ZNF143: variants seen among roughly 807,000 people sequenced by gnomAD.
The protein encoded by ZNF143 is zinc finger protein 143.
Under a neutral mutation model 74.1 loss-of-function variants are expected in ZNF143, and 49 were observed. The observed-to-expected ratio is 0.66, with a 90% confidence interval of 0.53 to 0.84. The LOEUF is 0.84. Among genes scored for constraint, ZNF143 ranks in the 40% least tolerant of loss-of-function variants. The pLI, the probability that ZNF143 is intolerant of heterozygous loss-of-function variation, is 0.00. For synonymous variants in ZNF143, 304 were observed against 282.8 expected, an observed-to-expected ratio of 1.07 and a Z score of -0.75; for missense variants, 637 against 793.4, an observed-to-expected ratio of 0.80 and a Z score of 2.37.
intron 7 of ZNF143, among the ~76,000 whole-genome samples, chr11:9,494,426 C>T (rs991441488): frequency 1.4e-4 from 21 of 152,266 alleles, no homozygotes; most frequent in African/African-American, 4.8e-4. Context: ...CCCATCTCAG[C>T]TTCCCAAGTA....
intron 1 of ZNF143, among the ~76,000 whole-genome samples, chr11:9,469,070 G>A (rs900858857): frequency 6.6e-6 from 1 of 151,472 alleles, no homozygotes; most frequent in Non-Finnish European, 1.5e-5. Flanking sequence ...GGAGGTGGAG[G>A]TTGCAGTGAT....
At chr11:9,521,735 A>T (rs1006172154) in intron 14 of ZNF143, among the ~76,000 whole-genome samples, 1 of 152,162 alleles carries the variant, frequency 6.6e-6, no homozygotes, top group Non-Finnish European at 1.5e-5. Flanking sequence ...TGATATAAAG[A>T]TGTTCATACT....
At chr11:9,492,143 C>G (rs1007011976) in intron 7 of ZNF143, among the ~76,000 whole-genome samples, 1 of 124,510 alleles carries the variant, frequency 8.0e-6, no homozygotes, top group African/African-American at 3.0e-5. Flanking sequence ...CGGAGTCTTG[C>G]TCTGTTTCCC....
intron 1 of ZNF143, among the ~76,000 whole-genome samples, chr11:9,461,277 C>T (rs1336320218): frequency 6.6e-6 from 1 of 152,144 alleles, no homozygotes; most frequent in Non-Finnish European, 1.5e-5. Context: ...CCGCGGCCGC[C>T]ACTCTAGGCG....
rs187180575 is a variant in ZNF143, at chr11:9,487,266, C to T, written c.646-7380C>T. 2.2e-3 allele frequency among the ~76,000 whole-genome samples: 335 copies of T among 151,738 alleles called. 17 individuals are homozygous for T. The highest frequency in any genetic ancestry group is 8.0e-3 in the African/African-American group (327 of 41,036). ...ACAGGCGTGAGCCACAGCACCTGGC[C>T]ACAGTATGTCCTTTATAGACAGGCA... is the stretch of plus-strand genomic sequence containing the variant. On this transcript the variant is annotated intron_variant, in intron 7 of 15. Transcript: ENST00000396602.
chr11:9,471,225 G>A (rs1041951205), intron 1 of ZNF143, 77 bp from the exon 2 acceptor site: 1 of 1,210,678 alleles, frequency 8.3e-7, no homozygotes, highest in East Asian at 2.5e-5. Flanking sequence ...AGCTTTTTGT[G>A]GTTCATAAAT....
intron 7 of ZNF143, among the ~76,000 whole-genome samples, chr11:9,482,407 A>G (rs943287742): frequency 1.3e-5 from 2 of 149,938 alleles, no homozygotes; most frequent in Non-Finnish European, 1.5e-5. Context: ...AGTAGCTGGG[A>G]CTACAGGTGC....
chr11:9,498,885 A>G (rs377060133), intron 10 of ZNF143, among the ~76,000 whole-genome samples: 12 of 152,330 alleles, frequency 7.9e-5, no homozygotes, highest in East Asian at 7.7e-4. Context: ...CAGCTTAACT[A>G]TGACCCCAGA....
At chr11:9,463,489 G>T (rs1855995535) in intron 1 of ZNF143, among the ~76,000 whole-genome samples, 1 of 152,106 alleles carries the variant, frequency 6.6e-6, no homozygotes, top group East Asian at 1.9e-4. Flanking sequence ...TGGATGAAAT[G>T]GTGTCTCTTG....
chr11:9,469,963 A>G (rs556836739), intron 1 of ZNF143, among the ~76,000 whole-genome samples: 1 of 152,342 alleles, frequency 6.6e-6, no homozygotes, highest in South Asian at 2.1e-4. Context: ...TCTTCAAGCA[A>G]TCCTAAACGT....
rs761320342 is a variant in ZNF143, at chr11:9,508,839, G to A, written c.1368G>A (p.Pro456=). ...IEEEQEAFFE[P]PPGQGEDVLK... ...AGGAGCAGGAAGCCTTCTTTGAGCC[G>A]CCCCCAGGTGAGAGTTTTGTCTACT... The change falls in exon 12 of 16, where the codon CCG becomes CCA. Residue 456 remains proline (P), a synonymous_variant. Coordinates refer to ENST00000396602, the MANE Select transcript of ZNF143 (RefSeq NM_003442.6). 18 of 1,578,456 alleles carry A rather than the reference G, an allele frequency of 1.1e-5. No individual in the cohort carries two copies. The highest frequency in any genetic ancestry group is 1.4e-5 in the Non-Finnish European group (16 of 1,161,230).
chr11:9,518,414 G>GTCAT (rs1848795254), intron 14 of ZNF143, among the ~76,000 whole-genome samples: 2 of 152,264 alleles, frequency 1.3e-5, no homozygotes, highest in South Asian at 4.2e-4. Flanking sequence ...AACATCATTA[G>GTCAT]TCATTAAGAA....
At chr11:9,467,745 G>T (rs1856327254) in intron 1 of ZNF143, among the ~76,000 whole-genome samples, 1 of 151,370 alleles carries the variant, frequency 6.6e-6, no homozygotes, top group African/African-American at 2.4e-5. Context: ...TACTCAGGAG[G>T]CTGAGACAGA....
rs368754514 is a variant in ZNF143, at chr11:9,486,420, T to TATAATATATATTATATATATAATATATTA, written c.645+6874_645+6875insATAATATATATTATATATATAATATATTA. Among the ~76,000 whole-genome samples the TATAATATATATTATATATATAATATATTA allele has an allele frequency of 2.9e-4, 9 of 31,016 alleles. 1 individual carries two copies. The highest frequency in any genetic ancestry group is 4.5e-4 in the Non-Finnish European group (7 of 15,674). The allele number at this position is 31,016 out of a possible 152,430, so 20.3% of individuals were successfully genotyped here. On this transcript the variant is annotated intron_variant, in intron 7 of 15. Transcript: ENST00000396602. ...TAATATATTATATATATAATATATA[T>TATAATATATATTATATATATAATATATTA]TATATATATTATATATATAATATAT...
chr11:9,481,721 C>T (rs1337720094), intron 7 of ZNF143, among the ~76,000 whole-genome samples: 1 of 151,726 alleles, frequency 6.6e-6, no homozygotes, highest in Non-Finnish European at 1.5e-5. Context: ...AACCCCATCT[C>T]TACTAAAAAT....
intron 13 of ZNF143, 101 bp from the exon 14 acceptor site, chr11:9,516,100 C>A: frequency 9.6e-7 from 1 of 1,046,852 alleles, no homozygotes. Flanking sequence ...TTATTTACAT[C>A]CACAGGGCAA....
At chr11:9,511,462 ATT>A (rs745823978) in intron 12 of ZNF143, among the ~76,000 whole-genome samples, 7 of 134,828 alleles carry the variant, frequency 5.2e-5, no homozygotes, top group African/African-American at 8.1e-5. Context: ...ATGCCCGGCT[ATT>A]TTTTTTTTTT....
chr11:9,521,794 G>A (rs779666932), intron 14 of ZNF143, among the ~76,000 whole-genome samples: 63 of 152,066 alleles, frequency 4.1e-4, no homozygotes, highest in East Asian at 1.9e-4. Flanking sequence ...GGCCGGGTGC[G>A]GTGGCTCATG....
At chr11:9,472,551 C>T (rs1037955802) in intron 2 of ZNF143, 126 bp from the exon 3 acceptor site, 6 of 807,644 alleles carry the variant, frequency 7.4e-6, no homozygotes, top group Non-Finnish European at 1.2e-5. Context: ...TGCACCCGGC[C>T]GCTAAATCTC....
Sources: gnomAD v4.1 joint callset for allele counts (sites outside exome capture counted in the v4.1 genomes callset) on GRCh38, gnomAD v4.1.1 for gene constraint, MANE v1.5 for transcripts, NCBI Gene and HGNC (gene_info 2026-07-23, HGNC 2026-07-21) for gene names.